TNRC6B: variants seen among roughly 807,000 people sequenced by gnomAD.
TNRC6B encodes trinucleotide repeat-containing gene 6B protein.
Under a neutral mutation model 203.6 loss-of-function variants are expected in TNRC6B, and 52 were observed. The observed-to-expected ratio is 0.26, with a 90% CI of 0.20 to 0.32. TNRC6B has a LOEUF of 0.32. Among genes scored for constraint, TNRC6B ranks in the 10% least tolerant of loss-of-function variants. The pLI, the probability that TNRC6B is intolerant of heterozygous loss-of-function variation, is 1.00. For synonymous variants in TNRC6B, 838 were observed against 845.7 expected (o/e 0.99, Z 0.16); for missense variants, 1,923 against 2,286.2 (o/e 0.84, Z 3.24).
intron 2 of TNRC6B, 195 bp downstream of exon 2, chr22:40,246,297 C>T: frequency 2.8e-6 from 1 of 358,212 alleles, no homozygotes; most frequent in Non-Finnish European, 5.2e-6. Flanking sequence ...TTAAGCGATG[C>T]TCCTCTCTCA....
intron 1 of TNRC6B, among the ~76,000 whole-genome samples, chr22:40,213,995 C>T (rs879506524): frequency 3.9e-5 from 6 of 152,130 alleles, no homozygotes; most frequent in Admixed American, 6.5e-5. Flanking sequence ...AGGCTGGGCA[C>T]GGTGGCTCAC....
At chr22:40,263,182 G>A (rs1047678571) in intron 4 of TNRC6B, among the ~76,000 whole-genome samples, 2 of 152,274 alleles carry the variant, frequency 1.3e-5, no homozygotes, top group Middle Eastern at 6.8e-3. Context: ...AAAATTCAGA[G>A]CTTGAATACC....
chr22:40,172,736 G>C (rs2069014006), intron 4 of TNRC6B, among the ~76,000 whole-genome samples: 1 of 152,178 alleles, frequency 6.6e-6, no homozygotes, highest in South Asian at 2.1e-4. Flanking sequence ...GGAACAGTAA[G>C]GATAACGTGG....
At chr22:40,310,247 G>A (rs2071156016) in intron 16 of TNRC6B, among the ~76,000 whole-genome samples, 1 of 152,118 alleles carries the variant, frequency 6.6e-6, no homozygotes. Context: ...GTCTTGTGCT[G>A]GCAAAGACCC....
chr22:40,300,150 G>A (rs1391048757), intron 12 of TNRC6B, among the ~76,000 whole-genome samples: 1 of 152,084 alleles, frequency 6.6e-6, no homozygotes, highest in Non-Finnish European at 1.5e-5. Context: ...TTCTTGGTTG[G>A]ATAAAAGCCA....
intron 3 of TNRC6B, among the ~76,000 whole-genome samples, chr22:40,146,383 T>C (rs2068695417): frequency 1.3e-5 from 2 of 148,958 alleles, no homozygotes. Context: ...TTTCATGTAA[T>C]AATATGTGAG....
chr22:40,270,677 G>A (rs1349475220), intron 6 of TNRC6B, among the ~76,000 whole-genome samples: 1 of 152,050 alleles, frequency 6.6e-6, no homozygotes, highest in Non-Finnish European at 1.5e-5. Flanking sequence ...TTTTGGTGAG[G>A]GCTGTTTAGT....
chr22:40,186,964 C>T (rs9611283), intron 1 of TNRC6B, among the ~76,000 whole-genome samples: 20,317 of 152,112 alleles, frequency 0.13, 1,806 homozygotes, highest in South Asian at 0.27. Context: ...ACTTGATTTG[C>T]TTTTAGATTT....
intron 2 of TNRC6B, among the ~76,000 whole-genome samples, chr22:40,118,244 A>T (rs949247160): frequency 3.9e-5 from 6 of 152,146 alleles, no homozygotes; most frequent in African/African-American, 1.4e-4. Flanking sequence ...TAAGGTCAAA[A>T]TACTGTGTGG....
At chr22:40,213,935 A>G (rs1246827023) in intron 1 of TNRC6B, among the ~76,000 whole-genome samples, 3 of 152,178 alleles carry the variant, frequency 2.0e-5, no homozygotes, top group African/African-American at 4.8e-5. Context: ...AAAATAATGT[A>G]GACAGGTACC....
chr22:40,206,535 A>G lies in TNRC6B; in HGVS notation c.5+28395A>G, dbSNP rs1040364921. 3.9e-5 allele frequency among the ~76,000 whole-genome samples: 6 copies of G among 152,256 alleles called. No individual in the cohort carries two copies. In the South Asian group the frequency reaches 8.3e-4, roughly 21 times the overall value. ...TCTTCTTGAATTGGTATATAAATTC[A>G]AAGTAATTCCCATAAAAACGCCATG... is the stretch of plus-strand genomic sequence containing the variant. On this transcript the variant is annotated intron_variant, in intron 1 of 22. Coordinates refer to ENST00000454349, the MANE Select transcript of TNRC6B (RefSeq NM_001162501.2).
chr22:40,078,518 G>C (rs983616098), intron 1 of TNRC6B, among the ~76,000 whole-genome samples: 3 of 152,044 alleles, frequency 2.0e-5, no homozygotes, highest in African/African-American at 7.2e-5. Flanking sequence ...ACGAGACCCT[G>C]TCTCAAAAGA....
intron 1 of TNRC6B, among the ~76,000 whole-genome samples, chr22:40,184,067 T>C (rs957008165): frequency 3.9e-5 from 6 of 152,224 alleles, no homozygotes; most frequent in African/African-American, 1.4e-4. Context: ...GTTGAATTAA[T>C]ATGGGTGACA....
At chr22:40,215,735 T>A (rs529703476) in intron 1 of TNRC6B, among the ~76,000 whole-genome samples, 1 of 152,340 alleles carries the variant, frequency 6.6e-6, no homozygotes, top group South Asian at 2.1e-4. Context: ...TTAATAACTT[T>A]ATGTCTAGTT....
Position 40,323,247 on chromosome 22 carries a change from G to C in TNRC6B, c.*6G>C. Reference sequence around the variant, plus strand: ...GAGGGTCGGATTCAATCTGAACTTAGAACTTTCAACTCTGACCTCGTGACC... The same window carrying C: ...GAGGGTCGGATTCAATCTGAACTTACAACTTTCAACTCTGACCTCGTGACC... On this transcript the variant is annotated 3_prime_UTR_variant, in exon 23 of 23. Coordinates refer to ENST00000454349, the MANE Select transcript of TNRC6B (RefSeq NM_001162501.2). The C allele has an allele frequency of 6.2e-7, 1 of 1,607,492 alleles. No individual in the cohort carries two copies. Among genetic ancestry groups the C allele is most frequent in the Non-Finnish European group, 8.5e-7 (1 of 1,179,034 alleles).
intron 1 of TNRC6B, among the ~76,000 whole-genome samples, chr22:40,105,475 T>C (rs1024480441): frequency 6.6e-6 from 1 of 152,212 alleles, no homozygotes; most frequent in African/African-American, 2.4e-5. Flanking sequence ...TTTTGATTTC[T>C]TTATTTTCCT....
At chr22:40,195,215 T>C (rs569775049) in intron 1 of TNRC6B, among the ~76,000 whole-genome samples, 27 of 152,342 alleles carry the variant, frequency 1.8e-4, no homozygotes, top group Middle Eastern at 6.8e-3. Context: ...CAAATTATAA[T>C]GGTTTTAAAA....
intron 1 of TNRC6B, among the ~76,000 whole-genome samples, chr22:40,180,424 A>G (rs572339800): frequency 1.3e-4 from 20 of 152,332 alleles, no homozygotes; most frequent in African/African-American, 4.8e-4. Flanking sequence ...CTTAGGCAGA[A>G]CAGAGAATGA....
At chr22:40,099,390 T>A (rs896028237) in intron 1 of TNRC6B, among the ~76,000 whole-genome samples, 1 of 152,216 alleles carries the variant, frequency 6.6e-6, no homozygotes, top group Non-Finnish European at 1.5e-5. Flanking sequence ...TTTGAAGCAC[T>A]CTTTTAATCA....
Sources: allele counts gnomAD v4.1 joint callset (sites outside exome capture counted in the v4.1 genomes callset), GRCh38; gene constraint gnomAD v4.1.1; transcripts MANE v1.5; gene names NCBI Gene and HGNC (gene_info 2026-07-23, HGNC 2026-07-21).